ANO1: variants seen among roughly 807,000 people sequenced by gnomAD.
The protein encoded by ANO1 is anoctamin-1.
ANO1 carries 59 observed loss-of-function variants against 124.0 expected under a neutral mutation model. That is an observed-to-expected ratio of 0.48 (90% CI 0.39 to 0.59). The LOEUF (loss-of-function observed/expected upper bound fraction) is 0.59. ANO1 is among the 20% of genes least tolerant of loss of function. The pLI is 0.00. For synonymous variants in ANO1, 529 were observed against 532.0 expected, an observed-to-expected ratio of 0.99 and a Z score of 0.08; for missense variants, 1,059 against 1,328.0, an observed-to-expected ratio of 0.80 and a Z score of 3.15.
rs1013427361 is a variant in ANO1 at position 70,155,850 on chromosome 11, G to A, written c.1426-61G>A. The A allele has an allele frequency of 1.0e-5, 15 of 1,443,780 alleles. No individual in the cohort carries two copies. The East Asian group carries it at 1.1e-4, about 10-fold the overall frequency. 89.4% of individuals were successfully genotyped at this position (1,443,780 alleles called of 1,614,324 possible). A position where few individuals can be genotyped will look rare whatever the true frequency, so the allele number is the denominator to read the frequency against. Reference sequence around the variant, plus strand: ...ATGGGGACGGTTCCCTGGGCCCCGCGGTCTGCGGTGCCGCCTCCCACTTCA... The same window carrying A: ...ATGGGGACGGTTCCCTGGGCCCCGCAGTCTGCGGTGCCGCCTCCCACTTCA... On this transcript the variant is annotated intron_variant, in intron 14 of 25. Coordinates refer to ENST00000355303, the MANE Select transcript of ANO1 (RefSeq NM_018043.7).
At chr11:70,177,594 C>CT (rs57647858) in intron 22 of ANO1, among the ~76,000 whole-genome samples, 23,317 of 78,958 alleles carry the variant, frequency 0.3, 3,798 homozygotes, top group East Asian at 0.47. Flanking sequence ...TTTTTTTTTT[C>CT]TTTTTTTTTT....
chr11:69,975,863 G>C, the ANO1 span, among the ~76,000 whole-genome samples: 1 of 152,234 alleles, frequency 6.6e-6, no homozygotes, highest in Non-Finnish European at 1.5e-5. Flanking sequence ...GCATGATTTT[G>C]TTTTGGTTGA....
intron 1 of ANO1, among the ~76,000 whole-genome samples, chr11:70,007,626 C>T (rs782579584): frequency 7.2e-5 from 11 of 152,162 alleles, no homozygotes; most frequent in Non-Finnish European, 1.6e-4. Context: ...GTATGGTAGA[C>T]CACATTTTAC....
In ANO1 at chr11:70,161,905, C is replaced by T. The variant is rs115323189; in HGVS notation, c.1892+172C>T. ...GGGCCCTGCTGAGGCTCCAGAGCAG[C>T]GGGACCCTGGGCAGCAGGGAGTCCA... On this transcript the variant is annotated intron_variant, in intron 18 of 25. Transcript: ENST00000355303. 1.2e-3 allele frequency among the ~76,000 whole-genome samples: 185 copies of T among 152,264 alleles called. 1 individual carries two copies. The highest frequency in any genetic ancestry group is 4.2e-3 in the African/African-American group (175 of 41,558).
chr11:70,038,144 T>C (rs1318269413), intron 1 of ANO1, among the ~76,000 whole-genome samples: 1 of 152,146 alleles, frequency 6.6e-6, no homozygotes, highest in Non-Finnish European at 1.5e-5. Context: ...TCTATGCATA[T>C]CTATATATGT....
intron 2 of ANO1, among the ~76,000 whole-genome samples, chr11:70,096,754 G>A (rs1325082708): frequency 6.6e-6 from 1 of 152,182 alleles, no homozygotes; most frequent in African/African-American, 2.4e-5. Flanking sequence ...CCAGCTACTT[G>A]GGAGGCTGAG....
chr11:70,056,242 C>T (rs370986921), intron 1 of ANO1: 1 of 152,160 alleles, frequency 6.6e-6, no homozygotes, highest in East Asian at 1.9e-4. Context: ...CATCCAAAAA[C>T]ATATTTATTT....
At chr11:70,172,061 A>G (rs2048492044) in intron 22 of ANO1, among the ~76,000 whole-genome samples, 1 of 150,916 alleles carries the variant, frequency 6.6e-6, no homozygotes, top group Non-Finnish European at 1.5e-5. Context: ...TCAAGGCTGC[A>G]GTGAGACGTG....
At chr11:70,006,089 C>T (rs998305299) in intron 1 of ANO1, among the ~76,000 whole-genome samples, 15 of 152,160 alleles carry the variant, frequency 9.9e-5, no homozygotes, top group Admixed American at 3.3e-4. Context: ...CTCTTACCTA[C>T]GTGGAGACAC....
intron 7 of ANO1, among the ~76,000 whole-genome samples, chr11:70,112,325 G>A (rs1188507841): frequency 6.6e-6 from 1 of 152,236 alleles, no homozygotes; most frequent in Non-Finnish European, 1.5e-5. Context: ...GAGCAGTGTG[G>A]GAATCCCAGA....
At chr11:69,999,961 T>C (rs1250926948) in intron 1 of ANO1, among the ~76,000 whole-genome samples, 2 of 152,098 alleles carry the variant, frequency 1.3e-5, no homozygotes, top group African/African-American at 4.8e-5. Context: ...AAGAGTTCTA[T>C]TCAGAGCACG....
At chr11:70,037,359 T>A (rs1176852067) in intron 1 of ANO1, among the ~76,000 whole-genome samples, 2 of 151,920 alleles carry the variant, frequency 1.3e-5, no homozygotes, top group African/African-American at 4.8e-5. Flanking sequence ...ATAGTTAATG[T>A]ATAGGGGTGG....
chr11:69,983,811 C>T (rs1041739348), upstream of ANO1, among the ~76,000 whole-genome samples: 1 of 152,190 alleles, frequency 6.6e-6, no homozygotes, highest in Admixed American at 6.5e-5. Context: ...CCGAACGCAA[C>T]TTAATTGGAG....
chr11:70,112,958 C>T (rs994944285), intron 7 of ANO1, among the ~76,000 whole-genome samples: 2 of 152,152 alleles, frequency 1.3e-5, no homozygotes, highest in Admixed American at 6.5e-5. Flanking sequence ...GACGGTTGAC[C>T]CCAAGGGAAG....
At chr11:69,969,475 G>A in the ANO1 span, among the ~76,000 whole-genome samples, 37 of 152,280 alleles carry the variant, frequency 2.4e-4, no homozygotes, top group East Asian at 9.7e-4. Flanking sequence ...TGATGTTCAC[G>A]GTCTGACGCT....
chr11:70,042,809 T>A (rs1201378619), intron 1 of ANO1, among the ~76,000 whole-genome samples: 1 of 152,224 alleles, frequency 6.6e-6, no homozygotes, highest in Non-Finnish European at 1.5e-5. Flanking sequence ...TCTCTGTATC[T>A]GCCCTATCAA....
chr11:70,179,518 T>C (rs1319833280), intron 22 of ANO1, among the ~76,000 whole-genome samples: 1 of 152,132 alleles, frequency 6.6e-6, no homozygotes, highest in African/African-American at 2.4e-5. Context: ...TGTGTCTAGA[T>C]AGGGAACGGT....
In ANO1 at chr11:70,107,090, G is replaced by A. The variant is rs2045577826; in HGVS notation, c.748-1263G>A. Among the ~76,000 whole-genome samples, 7 of 152,316 alleles carry A rather than the reference G, an allele frequency of 4.6e-5. No individual in the cohort carries two copies. The South Asian group carries it at 1.2e-3, about 27-fold the overall frequency. On this transcript the variant is annotated intron_variant, in intron 5 of 25. Transcript: ENST00000355303. The stretch of plus-strand genomic sequence containing the variant: ...ATGGGCCATAACTGCATGTGGAAGG[G>A]AGGAGGTGGTTACAGGAGAATCAGC...
At chr11:70,071,184 G>T (rs1360709472) in intron 1 of ANO1, among the ~76,000 whole-genome samples, 1 of 152,206 alleles carries the variant, frequency 6.6e-6, no homozygotes, top group East Asian at 1.9e-4. Flanking sequence ...AATATTTCGG[G>T]AATGTGCTGT....
Sources: allele counts gnomAD v4.1 joint callset (sites outside exome capture counted in the v4.1 genomes callset), GRCh38; gene constraint gnomAD v4.1.1; transcripts MANE v1.5; gene names NCBI Gene and HGNC (gene_info 2026-07-23, HGNC 2026-07-21).